The following TBC1D8 variants were observed in gnomAD, a reference collection of about 807,000 sequenced individuals.
The protein encoded by TBC1D8 is BUB2-like protein 1.
A neutral mutation model predicts 118.8 loss-of-function variants in TBC1D8; 65 were observed. The observed-to-expected ratio is 0.55, with a 90% CI of 0.45 to 0.67. The LOEUF (loss-of-function observed/expected upper bound fraction) is 0.67. Among genes scored for constraint, TBC1D8 ranks in the 30% least tolerant of loss-of-function variants. TBC1D8 has a pLI of 0.00. For missense variants in TBC1D8, 1,376 were observed against 1,471.2 expected, an observed-to-expected ratio of 0.94 and a Z score of 1.06; for synonymous variants, 566 against 595.8, an observed-to-expected ratio of 0.95 and a Z score of 0.73.
At chr2:101,059,577 T>A in intron 2 of TBC1D8, 38 bp from the exon 3 acceptor site, 1 of 1,493,930 alleles carries the variant, frequency 6.7e-7, no homozygotes, top group Non-Finnish European at 9.3e-7. Flanking sequence ...GATTAAAAAA[T>A]GCAATAGAAG....
chr2:101,054,726 A>C, intron 3 of TBC1D8, among the ~76,000 whole-genome samples: 1 of 107,232 alleles, frequency 9.3e-6, no homozygotes, highest in African/African-American at 3.5e-5. Flanking sequence ...CTTGTTGCCC[A>C]GGCTGGAGTG....
intron 2 of TBC1D8, among the ~76,000 whole-genome samples, chr2:101,087,990 A>G (rs966629793): frequency 6.6e-6 from 1 of 152,256 alleles, no homozygotes; most frequent in African/African-American, 2.4e-5. Context: ...CTTGTACTAA[A>G]GAAACATTTA....
chr2:101,086,247 G>C (rs1675615371), intron 2 of TBC1D8, among the ~76,000 whole-genome samples: 1 of 151,570 alleles, frequency 6.6e-6, no homozygotes, highest in African/African-American at 2.4e-5. Context: ...AGAGTTATGA[G>C]CTGAATGGAG....
chr2:101,070,373 G>A (rs1478177269), intron 2 of TBC1D8, among the ~76,000 whole-genome samples: 3 of 150,044 alleles, frequency 2.0e-5, no homozygotes, highest in African/African-American at 4.9e-5. Flanking sequence ...GTGACCAACC[G>A]ATCCTACCAG....
At chr2:101,088,909 T>A (rs1164967439) in intron 2 of TBC1D8, among the ~76,000 whole-genome samples, 1 of 152,134 alleles carries the variant, frequency 6.6e-6, no homozygotes, top group Non-Finnish European at 1.5e-5. Flanking sequence ...TCTTTGTCAT[T>A]TTATGCAAAT....
At position 101,054,313 on chromosome 2, in the gene TBC1D8, G is replaced by A; in HGVS notation, c.426C>T (p.Ser142=). Residue 142 remains serine (S), a synonymous_variant, in exon 4 of 20, where the codon AGC becomes AGT. Coordinates refer to ENST00000409318, the MANE Select transcript of TBC1D8 (RefSeq NM_001330348.2). ...KVKALIAEET[S]SRLAEQEEEP... is the part of the protein sequence containing the mutation. ...CCTCCTCCTGCTCGGCGAGCCTGCTGCTGGTCTCCTCGGCTATCAGAGCCT... is the reference window on the plus strand; with the variant it reads ...CCTCCTCCTGCTCGGCGAGCCTGCTACTGGTCTCCTCGGCTATCAGAGCCT... 6.4e-7 allele frequency: 1 copy of A among 1,569,694 alleles called. No homozygotes were observed. Among genetic ancestry groups the A allele is most frequent in the South Asian group, 1.2e-5 (1 of 85,352 alleles).
At position 101,007,806 on chromosome 2, in the gene TBC1D8, G is replaced by C; in HGVS notation, c.*15C>G. 1 of 1,610,244 alleles carries C rather than the reference G, an allele frequency of 6.2e-7. No homozygotes were observed. Among genetic ancestry groups the C allele is most frequent in the East Asian group, 2.2e-5 (1 of 44,878 alleles). On this transcript the variant is annotated 3_prime_UTR_variant, in exon 20 of 20. Transcript: ENST00000409318. ...GGTATGGTGGACTCCAGTGTGCATA[G>C]CAGCTGCTGTCTTGCTACAAGTTAC...
At chr2:101,056,714 T>A (rs1311661950) in intron 3 of TBC1D8, among the ~76,000 whole-genome samples, 1 of 152,112 alleles carries the variant, frequency 6.6e-6, no homozygotes, top group Non-Finnish European at 1.5e-5. Context: ...GGAGGGGTCT[T>A]TATGAAGGCT....
intron 3 of TBC1D8, among the ~76,000 whole-genome samples, chr2:101,055,215 C>A (rs1682349862): frequency 6.6e-6 from 1 of 151,454 alleles, no homozygotes; most frequent in Non-Finnish European, 1.5e-5. Context: ...CATGGTGAAA[C>A]CCCATCTCTA....
chr2:101,058,050 G>A (rs958399310), intron 3 of TBC1D8, among the ~76,000 whole-genome samples: 1 of 152,142 alleles, frequency 6.6e-6, no homozygotes, highest in African/African-American at 2.4e-5. Context: ...ACCAAGAAAC[G>A]CAGGGTAAGT....
At chr2:101,100,935 T>C (rs755281286) in intron 1 of TBC1D8, among the ~76,000 whole-genome samples, 11 of 151,952 alleles carry the variant, frequency 7.2e-5, no homozygotes, top group Non-Finnish European at 1.5e-4. Flanking sequence ...CCCAAAACCA[T>C]AAAAACCCTA....
rs1215527926 is a variant in TBC1D8 at position 101,027,905 on chromosome 2, T to G, written c.2451+143A>C. On this transcript the variant is annotated intron_variant, in intron 14 of 19. Coordinates refer to ENST00000409318, the MANE Select transcript of TBC1D8 (RefSeq NM_001330348.2). The stretch of plus-strand genomic sequence containing the variant: ...TCCAAAGCTCACATTGTTTCTACAC[T>G]ACTTCACCCTTAAGTTGTTAATGTA... 1.1e-5 allele frequency: 8 copies of G among 718,030 alleles called. 1 individual carries two copies. The East Asian group carries it at 2.2e-4, about 19-fold the overall frequency. The allele number at this position is 718,030 out of a possible 1,614,324, so 44.5% of individuals were successfully genotyped here. A position where few individuals can be genotyped will look rare whatever the true frequency, so the allele number is the denominator to read the frequency against.
At chr2:101,113,406 A>G (rs1266741718) in intron 1 of TBC1D8, among the ~76,000 whole-genome samples, 1 of 152,104 alleles carries the variant, frequency 6.6e-6, no homozygotes, top group African/African-American at 2.4e-5. Flanking sequence ...AAAAAAATCA[A>G]CAAAACAAAA....
rs539205646 is a variant in TBC1D8, at chr2:101,050,681, A to G, written c.632-40T>C. The G allele has an allele frequency of 8.2e-6, 13 of 1,594,546 alleles. No homozygotes were observed. The East Asian group carries it at 2.9e-4, about 36-fold the overall frequency. On this transcript the variant is annotated intron_variant, in intron 4 of 19. Coordinates refer to ENST00000409318, the MANE Select transcript of TBC1D8 (RefSeq NM_001330348.2). ...GGTGAAATACCTATTATGCCATGAA[A>G]TTTGAGCCAAACTTGAGTGTGTCAG...
chr2:101,131,316 CAGCCTGACCAACAGGGAGAAA>C (rs1678581664), intron 1 of TBC1D8, among the ~76,000 whole-genome samples: 1 of 151,304 alleles, frequency 6.6e-6, no homozygotes, highest in Non-Finnish European at 1.5e-5. Context: ...AGTTTGTGAC[CAGCCTGACCAACAGGGAGAAA>C]ACCCATCTCT....
chr2:101,065,930 G>C (rs1422592496), intron 2 of TBC1D8, among the ~76,000 whole-genome samples: 1 of 152,114 alleles, frequency 6.6e-6, no homozygotes, highest in Non-Finnish European at 1.5e-5. Flanking sequence ...AGTAGAAACA[G>C]AGTCAGAAAT....
intron 4 of TBC1D8, 109 bp from the exon 5 acceptor site, chr2:101,050,750 C>T: frequency 2.2e-6 from 3 of 1,387,640 alleles, no homozygotes; most frequent in Non-Finnish European, 2.9e-6. Context: ...GTGTAAATGC[C>T]TTTTTAAAAA....
At chr2:101,136,650 C>T (rs1018246146) in intron 1 of TBC1D8, among the ~76,000 whole-genome samples, 17 of 152,134 alleles carry the variant, frequency 1.1e-4, no homozygotes, top group Admixed American at 1.0e-3. Context: ...TAAAAACACA[C>T]GAGTATGCAC....
intron 1 of TBC1D8, among the ~76,000 whole-genome samples, chr2:101,091,950 C>T (rs919112380): frequency 2.6e-5 from 4 of 152,160 alleles, no homozygotes; most frequent in South Asian, 2.1e-4. Context: ...CATAACACCC[C>T]GTCATATATT....
Sources: gnomAD v4.1 joint callset for allele counts (sites outside exome capture counted in the v4.1 genomes callset) on GRCh38, gnomAD v4.1.1 for gene constraint, MANE v1.5 for transcripts, NCBI Gene and HGNC (gene_info 2026-07-23, HGNC 2026-07-21) for gene names.